GRM8: variants seen among roughly 807,000 people sequenced by gnomAD.
The protein encoded by GRM8 is glutamate metabotropic receptor 8.
Under a neutral mutation model 87.2 loss-of-function variants are expected in GRM8, and 47 were observed. The ratio of observed to expected loss-of-function variants is 0.54; its 90% CI spans 0.43 to 0.69. GRM8 has a LOEUF of 0.69. Ranked by LOEUF, GRM8 falls within the 30% of genes least tolerant of loss-of-function variation. GRM8 has a pLI of 0.00. For missense variants in GRM8, 1,019 were observed against 1,139.2 expected (o/e 0.89, Z 1.52); for synonymous variants, 396 against 404.5 (o/e 0.98, Z 0.25).
chr7:126,607,525 T>C (rs1224735486), intron 8 of GRM8, among the ~76,000 whole-genome samples: 1 of 152,158 alleles, frequency 6.6e-6, no homozygotes, highest in East Asian at 1.9e-4. Context: ...AGAAAGCATG[T>C]ATACACTCTC....
chr7:127,077,827 G>C (rs1383440029), intron 3 of GRM8, among the ~76,000 whole-genome samples: 1 of 151,978 alleles, frequency 6.6e-6, no homozygotes, highest in Non-Finnish European at 1.5e-5. Context: ...TATCCTTCTT[G>C]TTCTACTACT....
intron 9 of GRM8, among the ~76,000 whole-genome samples, chr7:126,465,956 C>T (rs1176823923): frequency 6.6e-6 from 1 of 151,876 alleles, no homozygotes; most frequent in African/African-American, 2.4e-5. Flanking sequence ...TTTTATAAAG[C>T]ACTTATTACC....
intron 7 of GRM8, among the ~76,000 whole-genome samples, chr7:126,721,232 G>C (rs542678381): frequency 6.6e-6 from 1 of 151,636 alleles, no homozygotes; most frequent in African/African-American, 2.4e-5. Flanking sequence ...ACACAATTTT[G>C]GGTCTAATCC....
chr7:126,578,175 T>C (rs1361990), intron 8 of GRM8, among the ~76,000 whole-genome samples: 46,954 of 152,074 alleles, frequency 0.31, 8,138 homozygotes, highest in East Asian at 0.44. Flanking sequence ...AATGGGTTGA[T>C]TGGAAACTCT....
intron 8 of GRM8, among the ~76,000 whole-genome samples, chr7:126,539,687 A>T (rs1816311600): frequency 6.6e-6 from 1 of 152,184 alleles, no homozygotes; most frequent in South Asian, 2.1e-4. Context: ...ACAAGATACA[A>T]AGAAAATTCA....
intron 9 of GRM8, among the ~76,000 whole-genome samples, chr7:126,485,038 C>A (rs900664900): frequency 6.6e-6 from 1 of 152,000 alleles, no homozygotes; most frequent in African/African-American, 2.4e-5. Flanking sequence ...AGTTGGTTAT[C>A]AGACTAACTC....
At chr7:127,066,831 A>G (rs1821160986) in intron 3 of GRM8, among the ~76,000 whole-genome samples, 2 of 151,922 alleles carry the variant, frequency 1.3e-5, no homozygotes, top group South Asian at 2.1e-4. Flanking sequence ...CCTCTGCTCT[A>G]CTTTTTTCTT....
At chr7:127,079,511 A>G (rs1822632191) in intron 3 of GRM8, among the ~76,000 whole-genome samples, 1 of 152,242 alleles carries the variant, frequency 6.6e-6, no homozygotes, top group Admixed American at 6.5e-5. Flanking sequence ...ATAAAAACAA[A>G]TAGAAAATAG....
intron 9 of GRM8, among the ~76,000 whole-genome samples, chr7:126,516,907 A>T (rs947166177): frequency 6.6e-6 from 1 of 152,102 alleles, no homozygotes. Context: ...TTAAAAAAAC[A>T]CATATTTAAA....
chr7:127,139,730 C>T (rs775817979), intron 2 of GRM8, among the ~76,000 whole-genome samples: 1 of 152,058 alleles, frequency 6.6e-6, no homozygotes, highest in Non-Finnish European at 1.5e-5. Context: ...TAGACCAAGA[C>T]TGGGCAGTAG....
intron 8 of GRM8, among the ~76,000 whole-genome samples, chr7:126,564,803 A>T (rs1794054983): frequency 6.6e-6 from 1 of 152,238 alleles, no homozygotes; most frequent in Non-Finnish European, 1.5e-5. Flanking sequence ...AATATTCCTG[A>T]TGAGTATAGA....
At chr7:126,953,842 A>C (rs796371631) in intron 3 of GRM8, among the ~76,000 whole-genome samples, 10 of 152,282 alleles carry the variant, frequency 6.6e-5, no homozygotes, top group African/African-American at 2.4e-4. Context: ...TTAATTTACT[A>C]TCTGCTAAAT....
At chr7:127,226,202 T>C (rs2116763986) in intron 2 of GRM8, among the ~76,000 whole-genome samples, 1 of 152,326 alleles carries the variant, frequency 6.6e-6, no homozygotes, top group Non-Finnish European at 1.5e-5. Flanking sequence ...TAACCTTTCT[T>C]TCCAACCTCT....
chr7:126,606,990 T>A (rs1311350389), intron 8 of GRM8, among the ~76,000 whole-genome samples: 2 of 152,226 alleles, frequency 1.3e-5, no homozygotes, highest in African/African-American at 4.8e-5. Context: ...GCTGTGTAAA[T>A]CCCTAATCAT....
chr7:126,649,199 T>C (rs1449024445), intron 7 of GRM8, among the ~76,000 whole-genome samples: 1 of 152,186 alleles, frequency 6.6e-6, no homozygotes, highest in South Asian at 2.1e-4. Flanking sequence ...ATGCAAGGTA[T>C]TGACTCTGGG....
chr7:126,704,435 AAT>A (rs1157921557), intron 7 of GRM8, among the ~76,000 whole-genome samples: 1 of 152,214 alleles, frequency 6.6e-6, no homozygotes, highest in East Asian at 1.9e-4. Context: ...GTGTTTGAAC[AAT>A]ATGAAATCTG....
chr7:126,754,748 C>T (rs185461081), intron 7 of GRM8, among the ~76,000 whole-genome samples: 2 of 152,004 alleles, frequency 1.3e-5, no homozygotes, highest in Non-Finnish European at 2.9e-5. Flanking sequence ...TATAAATTCA[C>T]TTTCTAGTTA....
chr7:126,542,142 C>T (rs994100525), intron 8 of GRM8, among the ~76,000 whole-genome samples: 3 of 152,154 alleles, frequency 2.0e-5, no homozygotes, highest in African/African-American at 7.2e-5. Context: ...GACTTCTGGC[C>T]TCCAGAACTA....
intron 8 of GRM8, among the ~76,000 whole-genome samples, chr7:126,587,740 G>T (rs1471349450): frequency 1.3e-5 from 2 of 151,526 alleles, no homozygotes; most frequent in African/African-American, 4.9e-5. Context: ...GAGTTAATGG[G>T]TGCAGCACAC....
Sources: allele counts gnomAD v4.1 joint callset (sites outside exome capture counted in the v4.1 genomes callset), GRCh38; gene constraint gnomAD v4.1.1; transcripts MANE v1.5; gene names NCBI Gene and HGNC (gene_info 2026-07-23, HGNC 2026-07-21).